PHYHD1: variants seen among roughly 807,000 people sequenced by gnomAD.
PHYHD1 encodes phytanoyl-CoA dioxygenase domain containing 1, also known as phytanoyl-CoA dioxygenase domain-containing protein 1.
A neutral mutation model predicts 43.6 loss-of-function variants in PHYHD1; 42 were observed. The observed-to-expected ratio is 0.96, with a 90% CI of 0.75 to 1.25. The LOEUF is 1.25. Among genes scored for constraint, PHYHD1 ranks in the 50% most tolerant of loss-of-function variants. The pLI is 0.00. For missense variants in PHYHD1, 342 were observed against 370.8 expected (o/e 0.92, Z 0.64); for synonymous variants, 139 against 143.6 (o/e 0.97, Z 0.23).
At chr9:128,922,731 C>G (rs568747887) in intron 3 of PHYHD1, among the ~76,000 whole-genome samples, 1 of 152,222 alleles carries the variant, frequency 6.6e-6, no homozygotes, top group Admixed American at 6.5e-5. Flanking sequence ...AAAAGGCTAC[C>G]TCGTAGGAAT....
intron 6 of PHYHD1, among the ~76,000 whole-genome samples, chr9:128,935,185 G>T (rs1841394386): frequency 6.6e-6 from 1 of 152,034 alleles, no homozygotes; most frequent in South Asian, 2.1e-4. Flanking sequence ...CAACTACCGG[G>T]CTCAAGTGAT....
chr9:128,935,776 C>A (rs1564541882), intron 6 of PHYHD1, among the ~76,000 whole-genome samples: 1 of 151,910 alleles, frequency 6.6e-6, no homozygotes, highest in Admixed American at 6.6e-5. Context: ...GTGGCACATG[C>A]CTGTAGTCCC....
chr9:128,933,309 C>G (rs1841345154), intron 4 of PHYHD1, among the ~76,000 whole-genome samples: 1 of 151,808 alleles, frequency 6.6e-6, no homozygotes, highest in African/African-American at 2.4e-5. Context: ...GCCTACCACG[C>G]CCAGCTGTTT....
chr9:128,922,456 C>A, intron 3 of PHYHD1, 100 bp downstream of exon 3: 1 of 1,421,750 alleles, frequency 7.0e-7, no homozygotes, highest in Non-Finnish European at 9.5e-7. Context: ...CCCCATTTTA[C>A]CGAGGACGAA....
At chr9:128,922,143 G>A in intron 2 of PHYHD1, 96 bp downstream of exon 2, 1 of 620,652 alleles carries the variant, frequency 1.6e-6, no homozygotes. Flanking sequence ...TTAGTTGTGG[G>A]GGTGGGGGAG....
chr9:128,924,391 C>G (rs1841081479), intron 3 of PHYHD1, among the ~76,000 whole-genome samples: 1 of 152,106 alleles, frequency 6.6e-6, no homozygotes, highest in South Asian at 2.1e-4. Context: ...GCGCTCCAAC[C>G]TGGGCAACAG....
At chr9:128,932,181 A>T (rs59310550) in intron 4 of PHYHD1, among the ~76,000 whole-genome samples, 42,502 of 103,986 alleles carry the variant, frequency 0.41, 9,331 homozygotes, top group African/African-American at 0.53. Flanking sequence ...TATTATTATT[A>T]TTATTTTTTT....
At chr9:128,938,374 G>C (rs549874441) in intron 9 of PHYHD1, among the ~76,000 whole-genome samples, 1 of 152,182 alleles carries the variant, frequency 6.6e-6, no homozygotes, top group African/African-American at 2.4e-5. Context: ...CTGGGCCCTA[G>C]TCCCTGAGAT....
chr9:128,922,601 G>C (rs1841027734), intron 3 of PHYHD1, among the ~76,000 whole-genome samples: 1 of 152,142 alleles, frequency 6.6e-6, no homozygotes, highest in Admixed American at 6.6e-5. Flanking sequence ...ACGAGAATAA[G>C]GCCTCGGAAC....
intron 4 of PHYHD1, among the ~76,000 whole-genome samples, chr9:128,928,801 C>T (rs1367059666): frequency 6.6e-6 from 1 of 152,104 alleles, no homozygotes; most frequent in Non-Finnish European, 1.5e-5. Flanking sequence ...TCAGTAACAT[C>T]CTCAATATTC....
At chr9:128,932,002 T>G (rs1402328527) in intron 4 of PHYHD1, among the ~76,000 whole-genome samples, 2 of 150,818 alleles carry the variant, frequency 1.3e-5, no homozygotes, top group Non-Finnish European at 3.0e-5. Flanking sequence ...GCCCGGCTAA[T>G]TTTTGCATTT....
chr9:128,927,469 G>A (rs1455956632), intron 4 of PHYHD1, among the ~76,000 whole-genome samples: 1 of 151,736 alleles, frequency 6.6e-6, no homozygotes, highest in Non-Finnish European at 1.5e-5. Context: ...TCCGCCTCCC[G>A]GGTTCAAGTG....
chr9:128,927,217 A>G, intron 4 of PHYHD1, 21 bp downstream of exon 4: 1 of 1,612,982 alleles, frequency 6.2e-7, no homozygotes. Flanking sequence ...GGGGCACATG[A>G]GGATGGGATG....
chr9:128,932,165 TATTGTTATTATTA>T (rs1841299959), intron 4 of PHYHD1, among the ~76,000 whole-genome samples: 6 of 125,016 alleles, frequency 4.8e-5, no homozygotes, highest in African/African-American at 2.0e-4. Flanking sequence ...TTATTATTAT[TATTGTTATTATTA>T]TTATTATTTT....
Position 128,922,332 on chromosome 9 carries a change from C to G in PHYHD1, c.9C>G (p.Cys3Trp), listed in dbSNP as rs943772925. Residue 3 changes from cysteine (C) to tryptophan (W), a missense_variant, in exon 3 of 13, where the codon TGC becomes TGG. By Grantham distance (215) the Cys-to-Trp change is radical. Coordinates refer to ENST00000372592, the MANE Select transcript of PHYHD1 (RefSeq NM_001100876.2). ...GTGCCCTGAGCGTCTCCATGGCCTG[C>G]CTGAGCCCCTCGCAGCTCCAGAAGG... MA[C>W]LSPSQLQKFQ... The G allele has an allele frequency of 1.3e-6, 2 of 1,550,722 alleles. No homozygotes were observed. The highest frequency in any genetic ancestry group is 2.7e-5 in the African/African-American group (2 of 73,032).
At chr9:128,923,987 C>T (rs1326925435) in intron 3 of PHYHD1, among the ~76,000 whole-genome samples, 7 of 152,052 alleles carry the variant, frequency 4.6e-5, no homozygotes, top group Admixed American at 3.3e-4. Flanking sequence ...GGCGTGGTGG[C>T]GCACACCTGT....
intron 9 of PHYHD1, among the ~76,000 whole-genome samples, chr9:128,938,262 C>T (rs1841474554): frequency 6.6e-6 from 1 of 151,560 alleles, no homozygotes; most frequent in Admixed American, 6.6e-5. Context: ...GAGCCAAGAT[C>T]ACACCACTGC....
intron 4 of PHYHD1, among the ~76,000 whole-genome samples, chr9:128,932,820 C>CTTATTTATTTATTTAT (rs36079303): frequency 1.1e-4 from 15 of 141,912 alleles, no homozygotes; most frequent in African/African-American, 3.4e-4. Context: ...ATTATTATTC[C>CTTATTTATTTATTTAT]TTATTTATTT....
Position 128,938,444 on chromosome 9 carries a change from A to G in PHYHD1, c.457+666A>G, listed in dbSNP as rs200967598. The stretch of plus-strand genomic sequence containing the variant: ...TGTTTTTTGGGTTTTTTTTTGAGAC[A>G]GAGTTTCATTCTTGTCACCCAAGGT... On this transcript the variant is annotated intron_variant, in intron 9 of 12. Transcript: ENST00000372592. 5.9e-5 allele frequency among the ~76,000 whole-genome samples: 9 copies of G among 152,150 alleles called. No homozygotes were observed. In the East Asian group the frequency reaches 1.4e-3, roughly 23 times the overall value.
Sources: allele counts gnomAD v4.1 joint callset (sites outside exome capture counted in the v4.1 genomes callset), GRCh38; gene constraint gnomAD v4.1.1; transcripts MANE v1.5; gene names NCBI Gene and HGNC (gene_info 2026-07-23, HGNC 2026-07-21).